The following ATP8B3 variants were observed in gnomAD, a reference collection of about 807,000 sequenced individuals.
ATP8B3 encodes ATPase phospholipid transporting 8B3.
In ATP8B3, 141 loss-of-function variants were observed where a neutral mutation model predicts 140.9. That is an observed-to-expected ratio of 1.00 (90% CI 0.87 to 1.15). The LOEUF is 1.15. Among genes scored for constraint, ATP8B3 ranks in the 50% most tolerant of loss-of-function variants. The pLI, the probability that ATP8B3 is intolerant of heterozygous loss-of-function variation, is 0.00. For missense variants in ATP8B3, 1,874 were observed against 1,740.6 expected, an observed-to-expected ratio of 1.08 and a Z score of -1.36; for synonymous variants, 765 against 714.6, an observed-to-expected ratio of 1.07 and a Z score of -1.13.
Position 1,807,259 on chromosome 19 carries a change from G to C in ATP8B3, c.524C>G (p.Pro175Arg). The change falls in exon 6 of 29, where the codon CCC becomes CGC. Residue 175 changes from proline to arginine, a missense_variant. Coordinates refer to ENST00000310127, the MANE Select transcript of ATP8B3 (RefSeq NM_138813.4). The surrounding 1 kb of genome is among the most constrained non-coding windows in gnomAD (Gnocchi z 5.9). ...FLIIIILQSIPDISTLPWFSL... is the reference protein window; with the variant it reads ...FLIIIILQSIRDISTLPWFSL... ...GAACCAGGGCAGCGTGGAGATGTCG[G>C]GAATGCTCTGACGTGAGGGGGCCAC... 2 of 1,612,090 alleles carry C rather than the reference G, an allele frequency of 1.2e-6. No individual in the cohort carries two copies. Among genetic ancestry groups the C allele is most frequent in the Non-Finnish European group, 1.7e-6 (2 of 1,179,346 alleles).
intron 21 of ATP8B3, 36 bp from the exon 22 acceptor site, chr19:1,790,025 G>T: frequency 6.6e-7 from 1 of 1,510,946 alleles, no homozygotes. Context: ...CAGGGGAGGG[G>T]GCGGGCTTCT....
chr19:1,782,271 G>T lies in ATP8B3; in HGVS notation c.*757C>A, dbSNP rs1443535045. 1.4e-5 allele frequency: 5 copies of T among 348,830 alleles called. No individual in the cohort carries two copies. Among genetic ancestry groups the T allele is most frequent in the Non-Finnish European group, 2.6e-5 (5 of 189,924 alleles). 21.6% of individuals were successfully genotyped at this position (348,830 alleles called of 1,614,324 possible). A position where few individuals can be genotyped will look rare whatever the true frequency, so the allele number is the denominator to read the frequency against. On this transcript the variant is annotated 3_prime_UTR_variant, in exon 29 of 29. Coordinates refer to ENST00000310127, the MANE Select transcript of ATP8B3 (RefSeq NM_138813.4). The stretch of plus-strand genomic sequence containing the variant: ...TCGAAGATGCCTCTTCATCAGATGG[G>T]TCTAGGGATTCAGATGCTACGTCAC...
At chr19:1,809,415 A>AG (rs1423519380) in intron 4 of ATP8B3, among the ~76,000 whole-genome samples, 1 of 150,648 alleles carries the variant, frequency 6.6e-6, no homozygotes, top group Non-Finnish European at 1.5e-5. Flanking sequence ...CCGGAGGTGG[A>AG]GGTTGCAGTG....
chr19:1,809,238 T>C (rs1217884992), intron 4 of ATP8B3, among the ~76,000 whole-genome samples: 3 of 150,164 alleles, frequency 2.0e-5, no homozygotes, highest in African/African-American at 4.9e-5. Context: ...ATCCCAGCAC[T>C]TTGGGAGGCC....
At chr19:1,790,667 G>A in intron 21 of ATP8B3, 90 bp downstream of exon 21, 1 of 1,072,118 alleles carries the variant, frequency 9.3e-7, no homozygotes, top group Non-Finnish European at 1.3e-6. Context: ...CTGTGCCTTG[G>A]GCTCCCCGTC....
rs770238404 is a variant in ATP8B3, at chr19:1,806,823, G to A, written c.616-134C>T. ...GTCCGCTGGCCCCACGCCACGTTGC[G>A]TCTGCTCAGGGATCCCGGACGTGGG... On this transcript the variant is annotated intron_variant, in intron 6 of 28. Coordinates refer to ENST00000310127, the MANE Select transcript of ATP8B3 (RefSeq NM_138813.4). The surrounding 1 kb of genome is among the most constrained non-coding windows in gnomAD (Gnocchi z 5.6). The A allele has an allele frequency of 2.6e-5, 26 of 1,015,518 alleles. No homozygotes were observed. Among genetic ancestry groups the A allele is most frequent in the Non-Finnish European group, 3.4e-5 (23 of 680,320 alleles). The allele number at this position is 1,015,518 out of a possible 1,614,324, so 62.9% of individuals were successfully genotyped here. A position where few individuals can be genotyped will look rare whatever the true frequency, so the allele number is the denominator to read the frequency against.
chr19:1,796,049 G>C, intron 17 of ATP8B3, 28 bp downstream of exon 17: 1 of 1,611,792 alleles, frequency 6.2e-7, no homozygotes, highest in Non-Finnish European at 8.5e-7. Flanking sequence ...CACCTTGGGG[G>C]GCCCAGGGCT....
At position 1,796,717 on chromosome 19, in the gene ATP8B3, G is replaced by A. The variant is rs1313521422; in HGVS notation, c.1747C>T (p.Arg583Cys). Residue 583 changes from arginine to cysteine, a missense_variant, in exon 16 of 29, where the codon CGC (arginine) becomes TGC (cysteine). This residue lies in a region of ATP8B3 where 1,032 missense variants were observed against 963.6 expected (regional missense o/e 1.07). Transcript: ENST00000310127. ...GGGAGGTGGGTGGGCGCACCTGGGC[G>A]CTCACGGGGGCTCTCCCGCACCATC... ...TVMVRESPRE[R>C]PDQLLYQAAS... 9.3e-6 allele frequency: 15 copies of A among 1,609,572 alleles called. No homozygotes were observed. The highest frequency in any genetic ancestry group is 3.4e-4 in the Middle Eastern group (2 of 5,866).
chr19:1,789,522 T>G lies in ATP8B3; in HGVS notation c.2684A>C (p.Gln895Pro), dbSNP rs1398141835. ...CGCCAGGTCCACGAAGGCGCGCTCC[T>G]GCAGCACCTCGGAGCTACGGCGGGC... ...SRARRSSEVL[Q>P]ERAFVDLASK... The change falls in exon 23 of 29, where the codon CAG (glutamine) becomes CCG (proline). Residue 895 changes from glutamine (Q) to proline (P), a missense_variant. Gln to Pro is a moderately conservative substitution (Grantham distance 76). Transcript: ENST00000310127. 36 of 1,598,332 alleles carry G rather than the reference T, an allele frequency of 2.3e-5. No homozygotes were observed. Among genetic ancestry groups the G allele is most frequent in the Non-Finnish European group, 3.1e-5 (36 of 1,178,962 alleles).
Position 1,785,157 on chromosome 19 carries a change from A to T in ATP8B3, c.3532+2T>A. On this transcript the variant is annotated splice_donor_variant, in intron 27 of 28. Transcript: ENST00000310127. LOFTEE classifies it high-confidence loss of function. ...CCGTCCCACTTCCCCATGGGGGCTC[A>T]CACAGAAACGGGAAGGTCGTGGGGG... The T allele has an allele frequency of 6.4e-7, 1 of 1,562,966 alleles. No homozygotes were observed. The highest frequency in any genetic ancestry group is 8.7e-7 in the Non-Finnish European group (1 of 1,155,668).
intron 14 of ATP8B3, among the ~76,000 whole-genome samples, chr19:1,798,283 A>G (rs1481696299): frequency 1.3e-5 from 2 of 151,936 alleles, no homozygotes; most frequent in African/African-American, 2.4e-5. Flanking sequence ...TTCTCACTAC[A>G]CTAAATTATG....
chr19:1,803,492 C>A lies in ATP8B3; in HGVS notation c.905-847G>T, dbSNP rs139848294. Among the ~76,000 whole-genome samples, 50 of 152,338 alleles carry A rather than the reference C, an allele frequency of 3.3e-4. No individual in the cohort carries two copies. The East Asian group carries it at 6.8e-3, about 21-fold the overall frequency. On this transcript the variant is annotated intron_variant, in intron 10 of 28. Coordinates refer to ENST00000310127, the MANE Select transcript of ATP8B3 (RefSeq NM_138813.4). The stretch of plus-strand genomic sequence containing the variant: ...AATGGGTCTATGCCCAGTGAGAATG[C>A]TGGGGCAGATGGACGAGGCCAGGGC...
In ATP8B3 at chr19:1,787,129, C is replaced by T. The variant is rs1275188020; in HGVS notation, c.3127G>A (p.Val1043Ile). The part of the protein sequence containing the change: ...LFNLLYSTLP[V>I]LYIGLFEQDV... ...TGCTCAAAGAGCCCAATGTAGAGAACTGGCAGGGTGCTGTACAGGAGGTTG... is the reference window on the plus strand; with the variant it reads ...TGCTCAAAGAGCCCAATGTAGAGAATTGGCAGGGTGCTGTACAGGAGGTTG... Residue 1043 changes from valine to isoleucine, a missense_variant, in exon 25 of 29, where the codon GTT becomes ATT. Val to Ile is a conservative substitution (Grantham distance 29). This residue lies in a region of ATP8B3 where 840 missense variants were observed against 760.9 expected (regional missense o/e 1.10). Coordinates refer to ENST00000310127, the MANE Select transcript of ATP8B3 (RefSeq NM_138813.4). The T allele has an allele frequency of 1.2e-6, 2 of 1,609,684 alleles. No individual in the cohort carries two copies. The highest frequency in any genetic ancestry group is 1.7e-6 in the Non-Finnish European group (2 of 1,177,904).
At chr19:1,789,815 C>T in intron 22 of ATP8B3, 75 bp downstream of exon 22, 1 of 1,584,296 alleles carries the variant, frequency 6.3e-7, no homozygotes, top group Non-Finnish European at 8.6e-7. Context: ...CCAGCAGTCC[C>T]CACCCCGAGC....
Position 1,788,802 on chromosome 19 carries a change from T to C in ATP8B3, c.3069+95A>G. The C allele has an allele frequency of 2.5e-6, 3 of 1,207,340 alleles. No individual in the cohort carries two copies. The South Asian group carries it at 4.5e-5, about 18-fold the overall frequency. The allele number at this position is 1,207,340 out of a possible 1,614,324, so 74.8% of individuals were successfully genotyped here. On this transcript the variant is annotated intron_variant, in intron 24 of 28. Coordinates refer to ENST00000310127, the MANE Select transcript of ATP8B3 (RefSeq NM_138813.4). ...GCCCTGTCCACCGAGGATCCCAGGG[T>C]TCTCAGTGCGTCCAGGGCTGCTCCT...
At position 1,796,084 on chromosome 19, in the gene ATP8B3, C is replaced by T. The variant is rs150252714; in HGVS notation, c.1935G>A (p.Ser645=). ...TTGGGTGGCGGGGCTCACCCAGCAC[C>T]GACATCCGTTTGCGCGTGCTGTTGA... ...MDFNSTRKRM[S]VLVRKPEGAI... The change falls in exon 17 of 29, where the codon TCG becomes TCA. Residue 645 remains serine (S), a synonymous_variant. Coordinates refer to ENST00000310127, the MANE Select transcript of ATP8B3 (RefSeq NM_138813.4). 270 of 1,612,764 alleles carry T rather than the reference C, an allele frequency of 1.7e-4. No individual in the cohort carries two copies. The highest frequency in any genetic ancestry group is 2.1e-4 in the Non-Finnish European group (253 of 1,179,736).
intron 14 of ATP8B3, among the ~76,000 whole-genome samples, chr19:1,797,856 G>T (rs756156093): frequency 6.6e-6 from 1 of 152,050 alleles, no homozygotes; most frequent in Non-Finnish European, 1.5e-5. Context: ...CCAGGCTGCA[G>T]TGCAGTGGTG....
In ATP8B3 at chr19:1,784,932, C is replaced by T. The variant is rs183931951; in HGVS notation, c.3547G>A (p.Val1183Met). The T allele has an allele frequency of 1.5e-5, 24 of 1,610,950 alleles. No homozygotes were observed. Among genetic ancestry groups the T allele is most frequent in the Admixed American group, 3.3e-5 (2 of 59,888 alleles). The change falls in exon 28 of 29, where the codon GTG becomes ATG. Residue 1183 changes from valine to methionine, a missense_variant. By Grantham distance (21) the Val-to-Met change is conservative. Coordinates refer to ENST00000310127, the MANE Select transcript of ATP8B3 (RefSeq NM_138813.4). ...AGCAGGATGGAGGGAGAGGACATCA[C>T]GCTGAGGTCGGCATCTGGGGACAGG... Reference protein sequence around the residue: ...TFPFLYADLSVMSSPSILLVV... With the variant: ...TFPFLYADLSMMSSPSILLVV...
Position 1,785,688 on chromosome 19 carries a change from G to A in ATP8B3, c.3174C>T (p.Ser1058=), listed in dbSNP as rs2068284196. The change falls in exon 26 of 29, where the codon AGC becomes AGT. Residue 1058 remains serine (S), a synonymous_variant. Transcript: ENST00000310127. ...LFEQDVSAEQ[S]LEKPELYVVG... is the part of the protein sequence containing the mutation. Reference sequence around the variant, plus strand: ...CCACGTACAGCTCCGGCTTCTCCAGGCTCTGCTCTGCGCTCACGTCCTTGG... The same window carrying A: ...CCACGTACAGCTCCGGCTTCTCCAGACTCTGCTCTGCGCTCACGTCCTTGG... The A allele has an allele frequency of 6.4e-7, 1 of 1,565,150 alleles. No homozygotes were observed. The highest frequency in any genetic ancestry group is 2.5e-5 in the East Asian group (1 of 40,070).
Sources: allele counts gnomAD v4.1 joint callset (sites outside exome capture counted in the v4.1 genomes callset), GRCh38; gene constraint gnomAD v4.1.1; regional missense constraint gnomAD v4.1.1; non-coding constraint Gnocchi (gnomAD v3.1); transcripts MANE v1.5; gene names NCBI Gene and HGNC (gene_info 2026-07-23, HGNC 2026-07-21).